The following KDM3A variants were observed in gnomAD, a reference collection of about 807,000 sequenced individuals.
KDM3A encodes lysine demethylase 3A, also known as lysine-specific demethylase 3A.
KDM3A carries 60 observed loss-of-function variants against 158.0 expected under a neutral mutation model. The ratio of observed to expected loss-of-function variants is 0.38; its 90% CI spans 0.31 to 0.47. The LOEUF (loss-of-function observed/expected upper bound fraction) is 0.47. Ranked by LOEUF, KDM3A falls within the 20% of genes least tolerant of loss-of-function variation. The probability of loss-of-function intolerance (pLI) is 0.99; values close to 1 mark genes in which losing one functional copy is unlikely to be tolerated. For synonymous variants in KDM3A, 608 were observed against 549.3 expected (o/e 1.11, Z -1.49); for missense variants, 1,319 against 1,574.3 (o/e 0.84, Z 2.74).
In KDM3A at chr2:86,478,701, T is replaced by C. The variant is rs1673780294; in HGVS notation, c.2282T>C (p.Phe761Ser). Reference protein sequence around the residue: ...CPCSNRQFKLFSKPASKEDLK... With the variant: ...CPCSNRQFKLSSKPASKEDLK... ...TGTTCAAACAGGCAATTCAAACTCT[T>C]TTCAAAGCCAGCCTCAAAGGAAGAC... Residue 761 changes from phenylalanine (F) to serine (S), a missense_variant, in exon 15 of 26, where the codon TTT becomes TCT. Phe to Ser is a radical substitution (Grantham distance 155). Transcript: ENST00000312912. 2 of 1,614,138 alleles carry C rather than the reference T, an allele frequency of 1.2e-6. No homozygotes were observed. The highest frequency in any genetic ancestry group is 2.2e-5 in the East Asian group (1 of 44,878).
chr2:86,441,388 G>T lies in KDM3A; in HGVS notation c.-87G>T, dbSNP rs1041610822. 5 of 152,332 alleles carry T rather than the reference G, an allele frequency of 3.3e-5. No individual in the cohort carries two copies. Among genetic ancestry groups the T allele is most frequent in the African/African-American group, 4.8e-5 (2 of 41,456 alleles). 9.4% of individuals were successfully genotyped at this position (152,332 alleles called of 1,614,324 possible). A position where few individuals can be genotyped will look rare whatever the true frequency, so the allele number is the denominator to read the frequency against. On this transcript the variant is annotated 5_prime_UTR_variant, in exon 1 of 26. Transcript: ENST00000312912. ...CTTGAACCAAGTCAGCGCTGGAGTC[G>T]GCTAGGCGGCTGGAAACGGCGGCTG... is the stretch of plus-strand genomic sequence containing the variant.
At chr2:86,470,774 A>G (rs1028469187) in intron 11 of KDM3A, among the ~76,000 whole-genome samples, 2 of 152,202 alleles carry the variant, frequency 1.3e-5, no homozygotes, top group African/African-American at 4.8e-5. Flanking sequence ...TATATTGCAC[A>G]CCCTGTTTTG....
At position 86,456,497 on chromosome 2, in the gene KDM3A, T is replaced by A. The variant is rs1265226958; in HGVS notation, c.612T>A (p.Thr204=). ...EVKIYSLDPS[T]QWFSATVING... ...AAATTTATAGCTTGGACCCATCTAC[T>A]CAGTGGTTTTCAGCAACCGTTATAA... The change falls in exon 6 of 26, where the codon ACT becomes ACA. Residue 204 remains threonine (T), a synonymous_variant. Coordinates refer to ENST00000312912, the MANE Select transcript of KDM3A (RefSeq NM_018433.6). The A allele has an allele frequency of 6.2e-7, 1 of 1,600,234 alleles. No individual in the cohort carries two copies.
At position 86,466,398 on chromosome 2, in the gene KDM3A, A is replaced by G; in HGVS notation, c.1034A>G (p.Glu345Gly). Residue 345 changes from glutamate (E) to glycine (G), a missense_variant, in exon 10 of 26, where the codon GAA (glutamate) becomes GGA (glycine). By Grantham distance (98) the Glu-to-Gly change is moderately conservative. Coordinates refer to ENST00000312912, the MANE Select transcript of KDM3A (RefSeq NM_018433.6). Reference sequence around the variant, plus strand: ...TGTCATAAACAAAGTTTACCAGAGGAAATTTCTTCCTGTCTAAATACAAAG... The same window carrying G: ...TGTCATAAACAAAGTTTACCAGAGGGAATTTCTTCCTGTCTAAATACAAAG... Reference protein sequence around the residue: ...QGCHKQSLPEEISSCLNTKSE... With the variant: ...QGCHKQSLPEGISSCLNTKSE... 1 of 1,611,184 alleles carries G rather than the reference A, an allele frequency of 6.2e-7. No individual in the cohort carries two copies. Among genetic ancestry groups the G allele is most frequent in the Middle Eastern group, 1.7e-4 (1 of 6,032 alleles).
chr2:86,485,299 T>C (rs1674124653), intron 20 of KDM3A, among the ~76,000 whole-genome samples: 1 of 152,198 alleles, frequency 6.6e-6, no homozygotes, highest in African/African-American at 2.4e-5. Context: ...TCACTTTTTC[T>C]TACAAGGCTG....
At chr2:86,450,621 T>TC (rs1672416913) in intron 3 of KDM3A, among the ~76,000 whole-genome samples, 1 of 152,168 alleles carries the variant, frequency 6.6e-6, no homozygotes, top group African/African-American at 2.4e-5. Flanking sequence ...GAAGGTTGGA[T>TC]CTGGATAGTT....
chr2:86,489,310 T>C lies in KDM3A; in HGVS notation c.3314-8T>C. 6.2e-7 allele frequency: 1 copy of C among 1,611,632 alleles called. No homozygotes were observed. The highest frequency in any genetic ancestry group is 8.5e-7 in the Non-Finnish European group (1 of 1,179,032). ...TTTTGTAAAACTTAAGGCACTTTGT[T>C]TTTGCAGGATTAATCACTCCTGAAG... On this transcript the variant is annotated splice_polypyrimidine_tract_variant and splice_region_variant and intron_variant, in intron 21 of 25. Transcript: ENST00000312912.
At chr2:86,452,106 A>C (rs1025052933) in intron 4 of KDM3A, among the ~76,000 whole-genome samples, 1 of 152,152 alleles carries the variant, frequency 6.6e-6, no homozygotes, top group Admixed American at 6.5e-5. Flanking sequence ...GCTCCTAGCT[A>C]AGGTTAAATA....
chr2:86,474,898 A>G lies in KDM3A; in HGVS notation c.1847A>G (p.Asp616Gly), dbSNP rs1401813091. 1 of 1,613,990 alleles carries G rather than the reference A, an allele frequency of 6.2e-7. No homozygotes were observed. The highest frequency in any genetic ancestry group is 8.5e-7 in the Non-Finnish European group (1 of 1,180,012). Residue 616 changes from aspartate (D) to glycine (G), a missense_variant, in exon 12 of 26, where the codon GAC (aspartate) becomes GGC (glycine). Asp to Gly is a moderately conservative substitution (Grantham distance 94). Transcript: ENST00000312912. ...AAAAACGTTGTGGGGATTGATTTGG[A>G]CACAGCAAAGTACATCTTGGCCAAC... ...LTKNVVGIDLDTAKYILANIG... is the reference protein window; with the variant it reads ...LTKNVVGIDLGTAKYILANIG...
At chr2:86,471,461 T>C (rs2104676165) in intron 11 of KDM3A, among the ~76,000 whole-genome samples, 2 of 152,224 alleles carry the variant, frequency 1.3e-5, no homozygotes, top group Middle Eastern at 6.8e-3. Flanking sequence ...AGCCCTATCT[T>C]TTTTGTTCAT....
Position 86,480,231 on chromosome 2 carries a change from A to G in KDM3A, c.2381A>G (p.Glu794Gly). The part of the protein sequence containing the change: ...AVLQQNPSVL[E>G]PAAVGGEAAS... Reference sequence around the variant, plus strand: ...CTCCAGCAGAATCCCTCAGTGTTGGAGCCAGCAGCTGTGGGTGGGGAAGCA... The same window carrying G: ...CTCCAGCAGAATCCCTCAGTGTTGGGGCCAGCAGCTGTGGGTGGGGAAGCA... Residue 794 changes from glutamate (E) to glycine (G), a missense_variant, in exon 16 of 26, where the codon GAG (glutamate) becomes GGG (glycine). Glu to Gly is a moderately conservative substitution (Grantham distance 98, BLOSUM62 -2). This residue lies in a region of KDM3A where 368 missense variants were observed against 415.8 expected (regional missense o/e 0.89). Coordinates refer to ENST00000312912, the MANE Select transcript of KDM3A (RefSeq NM_018433.6). 6.2e-7 allele frequency: 1 copy of G among 1,613,694 alleles called. No individual in the cohort carries two copies. Among genetic ancestry groups the G allele is most frequent in the Non-Finnish European group, 8.5e-7 (1 of 1,180,014 alleles).
intron 3 of KDM3A, 64 bp from the exon 4 acceptor site, chr2:86,451,039 A>G (rs1573147683): frequency 1.8e-6 from 2 of 1,097,640 alleles, no homozygotes; most frequent in South Asian, 1.6e-5. Flanking sequence ...GAAAATTGCC[A>G]GTTCCTATTT....
At chr2:86,453,147 G>A (rs1015733615) in intron 4 of KDM3A, among the ~76,000 whole-genome samples, 2 of 148,574 alleles carry the variant, frequency 1.3e-5, no homozygotes, top group African/African-American at 5.0e-5. Flanking sequence ...ATCTAAATTA[G>A]TAAGTTTATA....
At position 86,455,398 on chromosome 2, in the gene KDM3A, A is replaced by G. The variant is rs143742377; in HGVS notation, c.556+211A>G. 3.3e-3 allele frequency among the ~76,000 whole-genome samples: 506 copies of G among 151,134 alleles called. 2 individuals are homozygous for G. The highest frequency in any genetic ancestry group is 0.01 in the Middle Eastern group (3 of 294). On this transcript the variant is annotated intron_variant, in intron 5 of 25. Transcript: ENST00000312912. ...CTTACAAGTAGCTAGGACTACAGGC[A>G]CGCACCACCACACCCGGCTAGTTTT... is the stretch of plus-strand genomic sequence containing the variant.
intron 3 of KDM3A, 62 bp downstream of exon 3, chr2:86,450,024 A>G: frequency 1.3e-6 from 2 of 1,490,356 alleles, no homozygotes; most frequent in Middle Eastern, 1.8e-4. Context: ...TTGTGGGTAC[A>G]AAAGGAATAT....
chr2:86,483,960 A>C (rs1674061515), intron 18 of KDM3A, 27 bp from the exon 19 acceptor site: 1 of 1,593,572 alleles, frequency 6.3e-7, no homozygotes, highest in African/African-American at 1.3e-5. Flanking sequence ...CAGAGTTCAG[A>C]CTAAAGTTTT....
intron 4 of KDM3A, among the ~76,000 whole-genome samples, chr2:86,454,577 C>G (rs1319209819): frequency 6.6e-6 from 1 of 151,920 alleles, no homozygotes; most frequent in Non-Finnish European, 1.5e-5. Flanking sequence ...GTAGGTTACA[C>G]AGTGTATTAT....
intron 4 of KDM3A, 24 bp from the exon 5 acceptor site, chr2:86,455,061 A>T: frequency 7.5e-7 from 1 of 1,338,328 alleles, no homozygotes; most frequent in African/African-American, 1.5e-5. Flanking sequence ...TACCCTTAAC[A>T]TGTAATGATC....
chr2:86,490,290 A>G (rs576975450), intron 23 of KDM3A: 1 of 152,620 alleles, frequency 6.6e-6, no homozygotes, highest in African/African-American at 2.4e-5. Flanking sequence ...TCAGTCATTC[A>G]TGAGTCTTGG....
Sources: gnomAD v4.1 joint callset for allele counts (sites outside exome capture counted in the v4.1 genomes callset) on GRCh38, gnomAD v4.1.1 for gene constraint, gnomAD v4.1.1 regional missense constraint, MANE v1.5 for transcripts, NCBI Gene and HGNC (gene_info 2026-07-23, HGNC 2026-07-21) for gene names.